CCDC15: variants seen among roughly 807,000 people sequenced by gnomAD.
The protein encoded by CCDC15 is coiled-coil domain-containing protein 15.
CCDC15 carries 105 observed loss-of-function variants against 114.5 expected under a neutral mutation model. The ratio of observed to expected loss-of-function variants is 0.92; its 90% CI spans 0.78 to 1.08. CCDC15 has a LOEUF of 1.08. Among genes scored for constraint, CCDC15 ranks in the 50% least tolerant of loss-of-function variants. The probability of loss-of-function intolerance (pLI) is 0.00; values close to 1 mark genes in which losing one functional copy is unlikely to be tolerated. For synonymous variants in CCDC15, 334 were observed against 377.8 expected (o/e 0.88, Z 1.34); for missense variants, 1,105 against 1,093.6 (o/e 1.01, Z -0.15).
chr11:125,034,350 G>A (rs527914557), intron 13 of CCDC15, among the ~76,000 whole-genome samples: 4 of 152,264 alleles, frequency 2.6e-5, no homozygotes, highest in Admixed American at 6.5e-5. Context: ...TTTAACAGTA[G>A]ACACCTGGCA....
intron 13 of CCDC15, among the ~76,000 whole-genome samples, chr11:125,024,057 T>A (rs182841861): frequency 6.6e-6 from 1 of 152,132 alleles, no homozygotes; most frequent in Non-Finnish European, 1.5e-5. Flanking sequence ...GGGAAATTTA[T>A]GATATGAAAA....
intron 4 of CCDC15, among the ~76,000 whole-genome samples, chr11:124,968,470 G>A (rs1482347475): frequency 6.6e-6 from 1 of 152,186 alleles, no homozygotes; most frequent in Non-Finnish European, 1.5e-5. Context: ...GCCAGGTGCG[G>A]GGTATAATCT....
intron 11 of CCDC15, among the ~76,000 whole-genome samples, chr11:125,003,564 G>A (rs996973498): frequency 3.9e-5 from 6 of 151,958 alleles, no homozygotes; most frequent in Admixed American, 3.3e-4. Flanking sequence ...GCGCACTCAT[G>A]ACAGTGATTT....
chr11:125,037,124 A>G (rs1356595669), intron 13 of CCDC15, among the ~76,000 whole-genome samples: 1 of 152,082 alleles, frequency 6.6e-6, no homozygotes, highest in Non-Finnish European at 1.5e-5. Flanking sequence ...TTACCATGTT[A>G]GTTGCTGGAT....
intron 2 of CCDC15, among the ~76,000 whole-genome samples, chr11:124,956,889 A>G (rs1281795876): frequency 2.0e-5 from 3 of 152,168 alleles, no homozygotes; most frequent in Non-Finnish European, 4.4e-5. Context: ...CCCTTAGATC[A>G]TGTCTGTTCT....
chr11:124,964,710 T>C (rs578221349), intron 4 of CCDC15, among the ~76,000 whole-genome samples: 31 of 152,344 alleles, frequency 2.0e-4, no homozygotes, highest in African/African-American at 6.7e-4. Context: ...GGCATCGCTG[T>C]CTTGTGCCAG....
At chr11:125,024,241 C>T (rs1280256674) in intron 13 of CCDC15, among the ~76,000 whole-genome samples, 1 of 151,956 alleles carries the variant, frequency 6.6e-6, no homozygotes, top group Admixed American at 6.6e-5. Context: ...TATAGTAAAG[C>T]TTGAAATCAG....
At chr11:124,954,612 TTC>T in intron 1 of CCDC15, 110 bp from the exon 2 acceptor site, 1 of 816,054 alleles carries the variant, frequency 1.2e-6, no homozygotes, top group Non-Finnish European at 2.0e-6. Context: ...CATGCCAGGC[TTC>T]TGCCTCCAGG....
In CCDC15 at chr11:125,005,224, G is replaced by T; in HGVS notation, c.2411+12G>T. On this transcript the variant is annotated intron_variant, in intron 13 of 15. Coordinates refer to ENST00000344762, the MANE Select transcript of CCDC15 (RefSeq NM_025004.3). Reference sequence around the variant, plus strand: ...AAGAAAATTGAAAAGTAAGTTATTCGATCTGCTCTGTGAGCCTTAAATTGC... The same window carrying T: ...AAGAAAATTGAAAAGTAAGTTATTCTATCTGCTCTGTGAGCCTTAAATTGC... 1.6e-6 allele frequency: 2 copies of T among 1,224,650 alleles called. No individual in the cohort carries two copies. The highest frequency in any genetic ancestry group is 1.3e-5 in the South Asian group (1 of 75,154). 75.9% of individuals were successfully genotyped at this position (1,224,650 alleles called of 1,614,324 possible). A position where few individuals can be genotyped will look rare whatever the true frequency, so the allele number is the denominator to read the frequency against.
At chr11:125,005,249 C>A (rs796192399) in intron 13 of CCDC15, 37 bp downstream of exon 13, 1 of 924,894 alleles carries the variant, frequency 1.1e-6, no homozygotes, top group Non-Finnish European at 1.7e-6. Flanking sequence ...CCTTAAATTG[C>A]CAATTAAGAT....
chr11:124,973,615 G>C (rs943043035), intron 4 of CCDC15, among the ~76,000 whole-genome samples: 16 of 151,996 alleles, frequency 1.1e-4, no homozygotes, highest in African/African-American at 3.9e-4. Flanking sequence ...TATTAATAAA[G>C]CCATAAAATT....
Position 125,001,249 on chromosome 11 carries a change from A to T in CCDC15, c.2215-2618A>T, listed in dbSNP as rs540734076. Among the ~76,000 whole-genome samples the T allele has an allele frequency of 1.1e-3, 170 of 152,354 alleles. 1 individual carries two copies. In the Middle Eastern group the frequency reaches 0.017, roughly 15 times the overall value. On this transcript the variant is annotated intron_variant, in intron 11 of 15. Transcript: ENST00000344762. The stretch of plus-strand genomic sequence containing the variant: ...GCAGAGTATCACCTTGGTCAGCCTC[A>T]GTTGGCAACATGCATATTGGATGAC...
Position 125,040,667 on chromosome 11 carries a change from C to T in CCDC15, c.2812C>T (p.His938Tyr), listed in dbSNP as rs1465926798. ...TAATTCAACTCTTCGAGTCGCAATT[C>T]ATAATTTTGCTTCTGCACACAGGCG... ...GGNSTLRVAI[H>Y]NFASAHRRTL... The change falls in exon 16 of 16, where the codon CAT becomes TAT. Residue 938 changes from histidine (H) to tyrosine (Y), a missense_variant. Coordinates refer to ENST00000344762, the MANE Select transcript of CCDC15 (RefSeq NM_025004.3). 1 of 1,612,142 alleles carries T rather than the reference C, an allele frequency of 6.2e-7. No homozygotes were observed. Among genetic ancestry groups the T allele is most frequent in the South Asian group, 1.1e-5 (1 of 90,656 alleles).
In CCDC15 at chr11:124,963,789, G is replaced by A. The variant is rs571411880; in HGVS notation, c.516+3786G>A. On this transcript the variant is annotated intron_variant, in intron 4 of 15. Transcript: ENST00000344762. Reference sequence around the variant, plus strand: ...TTATGGTTTTAGGTCTAACATTTAAGTCTTTAATCCATCTTGAATTAACTT... The same window carrying A: ...TTATGGTTTTAGGTCTAACATTTAAATCTTTAATCCATCTTGAATTAACTT... Among the ~76,000 whole-genome samples the A allele has an allele frequency of 2.6e-5, 4 of 152,310 alleles. No individual in the cohort carries two copies. In the South Asian group the frequency reaches 8.3e-4, roughly 32 times the overall value.
chr11:124,988,235 G>A, intron 8 of CCDC15, 101 bp downstream of exon 8: 2 of 1,260,798 alleles, frequency 1.6e-6, no homozygotes, highest in Non-Finnish European at 2.2e-6. Flanking sequence ...AGATACTGTG[G>A]GTTCAGTTCC....
Position 125,038,411 on chromosome 11 carries a change from T to A in CCDC15, c.2412-20T>A. ...AATAATTTTATGAAATTCCTAACCA[T>A]GTTATGATTTTATTTTCAGAATTAA... On this transcript the variant is annotated intron_variant, in intron 13 of 15. Coordinates refer to ENST00000344762, the MANE Select transcript of CCDC15 (RefSeq NM_025004.3). 1 of 1,375,974 alleles carries A rather than the reference T, an allele frequency of 7.3e-7. No individual in the cohort carries two copies. The highest frequency in any genetic ancestry group is 9.6e-7 in the Non-Finnish European group (1 of 1,041,826). The allele number at this position is 1,375,974 out of a possible 1,614,324, so 85.2% of individuals were successfully genotyped here.
At chr11:125,010,911 T>C (rs1804155379) in intron 13 of CCDC15, among the ~76,000 whole-genome samples, 1 of 152,176 alleles carries the variant, frequency 6.6e-6, no homozygotes, top group Non-Finnish European at 1.5e-5. Context: ...TCTTCTAGGA[T>C]TTTCATAGTT....
chr11:125,033,021 A>C (rs1398718155), intron 13 of CCDC15, among the ~76,000 whole-genome samples: 1 of 152,166 alleles, frequency 6.6e-6, no homozygotes, highest in African/African-American at 2.4e-5. Context: ...GGATGGGAGA[A>C]AGATTTATAG....
At chr11:125,007,947 A>C (rs1278030738) in intron 13 of CCDC15, among the ~76,000 whole-genome samples, 3 of 152,198 alleles carry the variant, frequency 2.0e-5, no homozygotes, top group Non-Finnish European at 4.4e-5. Context: ...GTAGCTTTAT[A>C]ATAAGTCTTG....
Sources: allele counts gnomAD v4.1 joint callset (sites outside exome capture counted in the v4.1 genomes callset), GRCh38; gene constraint gnomAD v4.1.1; transcripts MANE v1.5; gene names NCBI Gene and HGNC (gene_info 2026-07-23, HGNC 2026-07-21).